The following METTL15 variants were observed in gnomAD, a reference collection of about 807,000 sequenced individuals.
METTL15 encodes 12S rRNA N(4)-cytidine methyltransferase METTL15.
In METTL15, 34 loss-of-function variants were observed where a neutral mutation model predicts 38.3. The observed-to-expected ratio is 0.89, with a 90% CI of 0.68 to 1.18. METTL15 has a LOEUF of 1.18. Among genes scored for constraint, METTL15 ranks in the 50% most tolerant of loss-of-function variants. The probability of loss-of-function intolerance (pLI) is 0.00; values close to 1 mark genes in which losing one functional copy is unlikely to be tolerated. For synonymous variants in METTL15, 162 were observed against 170.9 expected, an observed-to-expected ratio of 0.95 and a Z score of 0.41; for missense variants, 438 against 498.4, an observed-to-expected ratio of 0.88 and a Z score of 1.15.
At chr11:28,261,877 A>G (rs1855218605) in intron 4 of METTL15, among the ~76,000 whole-genome samples, 1 of 152,192 alleles carries the variant, frequency 6.6e-6, no homozygotes, top group Non-Finnish European at 1.5e-5. Context: ...GTGTTATTTA[A>G]TCTTCATTAT....
chr11:28,207,370 G>A (rs897503842), intron 3 of METTL15, among the ~76,000 whole-genome samples: 1 of 152,112 alleles, frequency 6.6e-6, no homozygotes, highest in African/African-American at 2.4e-5. Context: ...AGATAATCAT[G>A]TGGTTTTTGT....
At chr11:28,341,513 A>G (rs554649521) in intron 3 of METTL15, among the ~76,000 whole-genome samples, 4 of 152,322 alleles carry the variant, frequency 2.6e-5, no homozygotes, top group African/African-American at 7.2e-5. Flanking sequence ...TTATTTTGAA[A>G]GAGCACAGAT....
intron 6 of METTL15, among the ~76,000 whole-genome samples, chr11:28,514,821 C>G (rs949727262): frequency 4.6e-5 from 7 of 152,176 alleles, no homozygotes; most frequent in Admixed American, 3.9e-4. Flanking sequence ...TGGGTTCAAG[C>G]TGCATTGCTT....
At chr11:28,371,567 G>C (rs1217499021) in intron 5 of METTL15, among the ~76,000 whole-genome samples, 2 of 151,912 alleles carry the variant, frequency 1.3e-5, no homozygotes, top group Non-Finnish European at 2.9e-5. Context: ...TCTGTGAAAT[G>C]ACATTGATAT....
chr11:28,127,666 CTTTAA>C (rs1372162838), intron 3 of METTL15, among the ~76,000 whole-genome samples: 4 of 151,914 alleles, frequency 2.6e-5, no homozygotes, highest in East Asian at 1.9e-4. Flanking sequence ...TGTAAAGTGA[CTTTAA>C]TTTATTTGAA....
chr11:28,132,547 C>G lies in METTL15; in HGVS notation c.270+18943C>G, dbSNP rs527388681. 2.5e-3 allele frequency among the ~76,000 whole-genome samples: 372 copies of G among 150,964 alleles called. 4 individuals carry two copies. The highest frequency in any genetic ancestry group is 8.1e-3 in the African/African-American group (332 of 41,100). ...AATCTTGAAAATGAATCAGTTAAAT[C>G]AATTAATTAATTTCAGCTGCTTTTA... On this transcript the variant is annotated intron_variant, in intron 3 of 6. Coordinates refer to ENST00000407364, the MANE Select transcript of METTL15 (RefSeq NM_001113528.2).
chr11:28,476,141 G>T (rs2133468380), intron 6 of METTL15, among the ~76,000 whole-genome samples: 1 of 152,302 alleles, frequency 6.6e-6, no homozygotes, highest in Admixed American at 6.5e-5. Flanking sequence ...CTCCCCACTG[G>T]GTTGCTTTCT....
chr11:28,303,554 A>T (rs1242421186), intron 6 of METTL15, among the ~76,000 whole-genome samples: 1 of 152,122 alleles, frequency 6.6e-6, no homozygotes, highest in Non-Finnish European at 1.5e-5. Flanking sequence ...AGGGGGAGAA[A>T]CTTCTTAGAT....
chr11:28,519,549 C>T (rs1027229381), intron 6 of METTL15, among the ~76,000 whole-genome samples: 23 of 124,266 alleles, frequency 1.9e-4, no homozygotes, highest in African/African-American at 5.0e-4. Flanking sequence ...AGTGAGGCTC[C>T]GTCTCAAAAA....
chr11:28,432,168 T>C (rs1010215383), intron 6 of METTL15, among the ~76,000 whole-genome samples: 2 of 152,218 alleles, frequency 1.3e-5, no homozygotes, highest in Non-Finnish European at 2.9e-5. Flanking sequence ...CCTTATAGTC[T>C]GACATGGACA....
At position 28,332,725 on chromosome 11, in the gene METTL15, A is replaced by C. The variant is rs1849849660; in HGVS notation, c.*1884A>C. 6.6e-6 allele frequency: 1 copy of C among 151,770 alleles called. No homozygotes were observed. Among genetic ancestry groups the C allele is most frequent in the African/African-American group, 2.4e-5 (1 of 41,122 alleles). The allele number at this position is 151,770 out of a possible 1,614,324, so 9.4% of individuals were successfully genotyped here. A position where few individuals can be genotyped will look rare whatever the true frequency, so the allele number is the denominator to read the frequency against. On this transcript the variant is annotated 3_prime_UTR_variant, in exon 7 of 7. Coordinates refer to ENST00000407364, the MANE Select transcript of METTL15 (RefSeq NM_001113528.2). ...TCCCAGCACTGTGGGAGGCCAAGCC[A>C]GGCAAATCGCTTGAGGCTGAGGAGT... is the stretch of plus-strand genomic sequence containing the variant.
intron 4 of METTL15, among the ~76,000 whole-genome samples, chr11:28,216,979 G>A (rs1190536328): frequency 6.6e-6 from 1 of 151,776 alleles, no homozygotes; most frequent in African/African-American, 2.4e-5. Flanking sequence ...CATTTGGGTT[G>A]GTTCCAAGTC....
At chr11:28,395,448 C>T (rs1356400777) in intron 5 of METTL15, among the ~76,000 whole-genome samples, 1 of 151,978 alleles carries the variant, frequency 6.6e-6, no homozygotes, top group East Asian at 1.9e-4. Context: ...GGTTCCTCAC[C>T]CCACCTATTT....
intron 4 of METTL15, among the ~76,000 whole-genome samples, chr11:28,278,462 A>G (rs1463527628): frequency 2.6e-5 from 4 of 152,200 alleles, no homozygotes; most frequent in Non-Finnish European, 5.9e-5. Flanking sequence ...AAGATTAATG[A>G]AACCTCTAGG....
At position 28,186,303 on chromosome 11, in the gene METTL15, G is replaced by A. The variant is rs184337785; in HGVS notation, c.271-24759G>A. Among the ~76,000 whole-genome samples the A allele has an allele frequency of 3.5e-3, 524 of 151,276 alleles. 2 individuals carry two copies. Among genetic ancestry groups the A allele is most frequent in the South Asian group, 8.9e-3 (43 of 4,826 alleles). On this transcript the variant is annotated intron_variant, in intron 3 of 6. Transcript: ENST00000407364. ...GAATATTATAAGAACAGCAAGTATAGCCAACCTATATAATGGGATTTTGTG... is the reference window on the plus strand; with the variant it reads ...GAATATTATAAGAACAGCAAGTATAACCAACCTATATAATGGGATTTTGTG...
At chr11:28,404,579 C>T (rs752258202) in intron 5 of METTL15, among the ~76,000 whole-genome samples, 11 of 151,980 alleles carry the variant, frequency 7.2e-5, no homozygotes, top group Non-Finnish European at 1.6e-4. Flanking sequence ...CCCAGTGGCC[C>T]CCACCTCCTA....
intron 4 of METTL15, among the ~76,000 whole-genome samples, chr11:28,263,468 T>C (rs1855290880): frequency 6.6e-6 from 1 of 152,108 alleles, no homozygotes; most frequent in Non-Finnish European, 1.5e-5. Context: ...ACTTCAGTTT[T>C]ATTGAAACCT....
chr11:28,254,386 C>T (rs1854885315), intron 4 of METTL15, among the ~76,000 whole-genome samples: 1 of 151,904 alleles, frequency 6.6e-6, no homozygotes. Context: ...GTTGTTAATC[C>T]CTTGTCAGGT....
intron 5 of METTL15, among the ~76,000 whole-genome samples, chr11:28,395,562 T>G (rs1850559195): frequency 6.6e-6 from 1 of 152,108 alleles, no homozygotes; most frequent in African/African-American, 2.4e-5. Flanking sequence ...CAGGAAGAAG[T>G]TGAATCCCTG....
Sources: gnomAD v4.1 joint callset for allele counts (sites outside exome capture counted in the v4.1 genomes callset) on GRCh38, gnomAD v4.1.1 for gene constraint, MANE v1.5 for transcripts, NCBI Gene and HGNC (gene_info 2026-07-23, HGNC 2026-07-21) for gene names.